The following LRRC57 variants were observed in gnomAD, a reference collection of about 807,000 sequenced individuals.
The protein encoded by LRRC57 is leucine rich repeat containing 57, also known as leucine-rich repeat-containing protein 57.
In LRRC57, 14 loss-of-function variants were observed where a neutral mutation model predicts 23.1. That is an observed-to-expected ratio of 0.61 (90% CI 0.40 to 0.95). The LOEUF is 0.95. LRRC57 is among the 40% of genes least tolerant of loss of function. The probability of loss-of-function intolerance (pLI) is 0.00; values close to 1 mark genes in which losing one functional copy is unlikely to be tolerated. For synonymous variants in LRRC57, 106 were observed against 115.2 expected, an observed-to-expected ratio of 0.92 and a Z score of 0.51; for missense variants, 236 against 284.4, an observed-to-expected ratio of 0.83 and a Z score of 1.22.
the LRRC57 span, chr15:42,531,374 T>A: frequency 1.6e-5 from 22 of 1,400,004 alleles, no homozygotes; most frequent in Non-Finnish European, 2.0e-5. Context: ...TTATTAGAGT[T>A]ACTTACCTTG....
At chr15:42,537,443 T>C (rs2057606576), downstream of LRRC57, among the ~76,000 whole-genome samples, 1 of 152,170 alleles carries the variant, frequency 6.6e-6, no homozygotes, top group South Asian at 2.1e-4. Context: ...TTGGTGGCAA[T>C]GTGAATGAGT....
At chr15:42,545,025 A>G in intron 5 of LRRC57, 52 bp downstream of exon 5, 1 of 1,337,402 alleles carries the variant, frequency 7.5e-7, no homozygotes, top group Non-Finnish European at 1.0e-6. Context: ...TTACTTCACC[A>G]TTGTCTTCTC....
At chr15:42,545,321 T>C in intron 4 of LRRC57, 59 bp from the exon 5 acceptor site, 1 of 1,214,022 alleles carries the variant, frequency 8.2e-7, no homozygotes, top group Admixed American at 3.0e-5. Context: ...CTGGTTACTT[T>C]TAGTACATTA....
chr15:42,547,855 T>C (rs753159553), intron 3 of LRRC57: 13 of 560,500 alleles, frequency 2.3e-5, no homozygotes, highest in Non-Finnish European at 4.1e-5. Flanking sequence ...TTTGTTTACA[T>C]TACATCCCCA....
chr15:42,530,622 T>A, the LRRC57 span, among the ~76,000 whole-genome samples: 7,202 of 152,142 alleles, frequency 0.047, 569 homozygotes, highest in African/African-American at 0.16. Context: ...TGGTGGCATG[T>A]GCCTATTGTC....
At chr15:42,546,283 C>G (rs2057657938) in intron 4 of LRRC57, among the ~76,000 whole-genome samples, 1 of 152,174 alleles carries the variant, frequency 6.6e-6, no homozygotes, top group African/African-American at 2.4e-5. Context: ...TTTAAACAAG[C>G]TTTTCTGGTT....
At position 42,548,344 on chromosome 15, in the gene LRRC57, G is replaced by C. The variant is rs377167695; in HGVS notation, c.84+7C>G. On this transcript the variant is annotated splice_region_variant and intron_variant, in intron 2 of 5. Coordinates refer to ENST00000397130, the MANE Select transcript of LRRC57 (RefSeq NM_153260.3). ...AAGTTCCCTGGTCGTGTCCCTCCCA[G>C]TCTCACCTCGGTCAGCCCTCGGTCC... The C allele has an allele frequency of 4.1e-5, 66 of 1,614,090 alleles. No individual in the cohort carries two copies. The highest frequency in any genetic ancestry group is 5.4e-5 in the Non-Finnish European group (64 of 1,180,028).
downstream of LRRC57, among the ~76,000 whole-genome samples, chr15:42,535,217 A>T (rs1376867306): frequency 6.6e-6 from 1 of 152,196 alleles, no homozygotes. Flanking sequence ...TTTATCTTAC[A>T]CTTTTATGTT....
Position 42,543,684 on chromosome 15 carries a change from C to A in LRRC57, c.*399G>T. ...AAGTGTTAACACAGAGATGGAATGG[C>A]AACAGACTTTATGAAAGCTCACACA... On this transcript the variant is annotated 3_prime_UTR_variant, in exon 6 of 6. Coordinates refer to ENST00000397130, the MANE Select transcript of LRRC57 (RefSeq NM_153260.3). The A allele has an allele frequency of 5.8e-6, 1 of 173,402 alleles. No homozygotes were observed. Among genetic ancestry groups the A allele is most frequent in the East Asian group, 1.5e-4 (1 of 6,498 alleles). 10.7% of individuals were successfully genotyped at this position (173,402 alleles called of 1,614,324 possible). A position where few individuals can be genotyped will look rare whatever the true frequency, so the allele number is the denominator to read the frequency against.
In LRRC57 at chr15:42,538,962, C is replaced by T. The variant is rs2057614331; in HGVS notation, c.*5121G>A. 6.6e-6 allele frequency: 1 copy of T among 151,706 alleles called. No homozygotes were observed. Among genetic ancestry groups the T allele is most frequent in the South Asian group, 2.1e-4 (1 of 4,834 alleles). The allele number at this position is 151,706 out of a possible 1,614,324, so 9.4% of individuals were successfully genotyped here. ...CACTTTGGGAGGTAAGGCAGGATTG[C>T]TTGAGCCCAGGAGTTTGGGGCCAGC... On this transcript the variant is annotated 3_prime_UTR_variant, in exon 6 of 6. Transcript: ENST00000397130.
downstream of LRRC57, among the ~76,000 whole-genome samples, chr15:42,537,195 A>G (rs2057604305): frequency 6.8e-6 from 1 of 146,220 alleles, no homozygotes; most frequent in South Asian, 2.1e-4. Context: ...CCTGGGCAGC[A>G]TAGTGAGATC....
downstream of LRRC57, chr15:42,532,979 G>C (rs1460173034): frequency 6.6e-6 from 1 of 152,528 alleles, no homozygotes; most frequent in Non-Finnish European, 1.5e-5. Flanking sequence ...ATTAGCATCT[G>C]AACACTTCAA....
At position 42,548,707 on chromosome 15, in the gene LRRC57, C is replaced by G; in HGVS notation, c.-37G>C. On this transcript the variant is annotated 5_prime_UTR_variant, in exon 1 of 6. Coordinates refer to ENST00000397130, the MANE Select transcript of LRRC57 (RefSeq NM_153260.3). ...CCCGGACTCGCCTCCCACCGCTCAG[C>G]TGCCGTAAGGCTCCGCAGGTGAAGA... 1 of 631,402 alleles carries G rather than the reference C, an allele frequency of 1.6e-6. No homozygotes were observed. Among genetic ancestry groups the G allele is most frequent in the Non-Finnish European group, 2.7e-6 (1 of 365,360 alleles). 39.1% of individuals were successfully genotyped at this position (631,402 alleles called of 1,614,324 possible).
intron 4 of LRRC57, among the ~76,000 whole-genome samples, chr15:42,546,561 C>T (rs554747076): frequency 1.3e-5 from 2 of 152,246 alleles, no homozygotes; most frequent in South Asian, 4.1e-4. Context: ...CTTTAATGGA[C>T]CATGCAGATC....
chr15:42,544,838 C>CTATATATATATATATATATATATATAT (rs1484623621), intron 5 of LRRC57, among the ~76,000 whole-genome samples: 49 of 109,194 alleles, frequency 4.5e-4, no homozygotes, highest in African/African-American at 2.2e-3. Context: ...CACACACACA[C>CTATATATATATATATATATATATATAT]ACACTATATA....
chr15:42,531,614 T>A, the LRRC57 span: 1 of 572,620 alleles, frequency 1.7e-6, no homozygotes, highest in South Asian at 2.8e-5. Context: ...CCAGAGCAGT[T>A]ACAGCCCTCC....
intron 1 of LRRC57, 52 bp from the exon 2 acceptor site, chr15:42,548,508 C>A (rs2057678105): frequency 1.4e-6 from 2 of 1,469,676 alleles, no homozygotes; most frequent in Non-Finnish European, 1.9e-6. Context: ...GTCGGCCTCC[C>A]GGCTGGGGCT....
chr15:42,537,233 T>TCACACACACACACACA (rs71108166), downstream of LRRC57, among the ~76,000 whole-genome samples: 9 of 136,590 alleles, frequency 6.6e-5, no homozygotes, highest in African/African-American at 2.7e-4. Flanking sequence ...TCTCTCTCTC[T>TCACACACACACACACA]CACACACACA....
At chr15:42,534,233 C>T (rs550160770), downstream of LRRC57, among the ~76,000 whole-genome samples, 2 of 152,290 alleles carry the variant, frequency 1.3e-5, no homozygotes, top group African/African-American at 2.4e-5. Context: ...CGGGTTCAAG[C>T]GATTCTCCTG....
Sources: allele counts gnomAD v4.1 joint callset (sites outside exome capture counted in the v4.1 genomes callset), GRCh38; gene constraint gnomAD v4.1.1; transcripts MANE v1.5; gene names NCBI Gene and HGNC (gene_info 2026-07-23, HGNC 2026-07-21).